ANO10: variants seen among roughly 807,000 people sequenced by gnomAD.
ANO10 encodes the protein anoctamin 10.
In ANO10, 77 loss-of-function variants were observed where a neutral mutation model predicts 74.7. The ratio of observed to expected loss-of-function variants is 1.03; its 90% CI spans 0.86 to 1.25. The LOEUF (loss-of-function observed/expected upper bound fraction) is 1.25, where lower values mean the gene tolerates loss of function less well. Among genes scored for constraint, ANO10 ranks in the 50% most tolerant of loss-of-function variants. The probability of loss-of-function intolerance (pLI) is 0.00; values close to 1 mark genes in which losing one functional copy is unlikely to be tolerated. For synonymous variants in ANO10, 279 were observed against 284.9 expected, an observed-to-expected ratio of 0.98 and a Z score of 0.21; for missense variants, 721 against 778.1, an observed-to-expected ratio of 0.93 and a Z score of 0.87.
At chr3:43,438,184 A>G (rs749768132) in intron 11 of ANO10, among the ~76,000 whole-genome samples, 7 of 152,238 alleles carry the variant, frequency 4.6e-5, no homozygotes, top group African/African-American at 7.2e-5. Context: ...TTGTAATCTC[A>G]GCACTTTGGG....
intron 11 of ANO10, among the ~76,000 whole-genome samples, chr3:43,493,843 C>T (rs1331676922): frequency 3.3e-5 from 5 of 152,130 alleles, no homozygotes; most frequent in Non-Finnish European, 5.9e-5. Flanking sequence ...TCAGGTGATC[C>T]TCCTGCCTCA....
At chr3:43,539,745 A>T (rs2078873502) in intron 11 of ANO10, among the ~76,000 whole-genome samples, 2 of 152,256 alleles carry the variant, frequency 1.3e-5, no homozygotes, top group African/African-American at 4.8e-5. Context: ...AAACAAAATA[A>T]TGATGCCAGA....
At chr3:43,594,660 G>T (rs1282485944) in intron 4 of ANO10, among the ~76,000 whole-genome samples, 1 of 152,040 alleles carries the variant, frequency 6.6e-6, no homozygotes, top group South Asian at 2.1e-4. Context: ...GAGAAAGCAG[G>T]AAAAGATCTA....
chr3:43,661,888 GCA>G (rs1291669279), intron 1 of ANO10, among the ~76,000 whole-genome samples: 16 of 152,150 alleles, frequency 1.1e-4, no homozygotes, highest in African/African-American at 3.9e-4. Flanking sequence ...CAATACAGTT[GCA>G]CACAGATTCA....
intron 11 of ANO10, among the ~76,000 whole-genome samples, chr3:43,479,712 C>T (rs952098192): frequency 2.6e-5 from 4 of 152,200 alleles, no homozygotes; most frequent in African/African-American, 7.2e-5. Flanking sequence ...TACGTCTGCT[C>T]TCCCCTCCTT....
chr3:43,669,288 T>C (rs148090576), intron 1 of ANO10, among the ~76,000 whole-genome samples: 44 of 152,312 alleles, frequency 2.9e-4, no homozygotes, highest in African/African-American at 9.9e-4. Flanking sequence ...AATGGTTCCT[T>C]TTCCCTGCTG....
chr3:43,375,446 C>G (rs1241401295), intron 12 of ANO10, among the ~76,000 whole-genome samples: 4 of 151,898 alleles, frequency 2.6e-5, no homozygotes, highest in Admixed American at 6.6e-5. Context: ...GAAACTCTGT[C>G]TCAGAAAAAG....
intron 11 of ANO10, among the ~76,000 whole-genome samples, chr3:43,517,905 T>C (rs2077779049): frequency 6.6e-6 from 1 of 152,190 alleles, no homozygotes. Flanking sequence ...TCTGTGCTTA[T>C]CTGATTGTGG....
chr3:43,606,153 G>A (rs1445495193), intron 1 of ANO10, among the ~76,000 whole-genome samples: 3 of 152,094 alleles, frequency 2.0e-5, no homozygotes, highest in Admixed American at 6.5e-5. Context: ...TCACACAAGC[G>A]GAATAAGAAA....
chr3:43,679,627 C>T (rs1056280823), intron 1 of ANO10, among the ~76,000 whole-genome samples: 3 of 152,202 alleles, frequency 2.0e-5, no homozygotes, highest in Non-Finnish European at 2.9e-5. Flanking sequence ...GATCTGAGAA[C>T]GGACAGACTG....
At chr3:43,420,562 CA>C (rs1382169337) in intron 12 of ANO10, among the ~76,000 whole-genome samples, 1 of 151,934 alleles carries the variant, frequency 6.6e-6, no homozygotes, top group African/African-American at 2.4e-5. Context: ...TTACAGTAAA[CA>C]AAAAATTTCC....
chr3:43,379,477 A>G (rs2091900275), intron 12 of ANO10, among the ~76,000 whole-genome samples: 1 of 152,242 alleles, frequency 6.6e-6, no homozygotes, highest in Non-Finnish European at 1.5e-5. Context: ...TGCTCCAAGA[A>G]CTACTGCAGG....
chr3:43,652,110 GGCC>G (rs142189526), intron 1 of ANO10, among the ~76,000 whole-genome samples: 2,786 of 147,956 alleles, frequency 0.019, 43 homozygotes, highest in South Asian at 0.079. Flanking sequence ...TCAGAATCTT[GGCC>G]GCCTTTTTTT....
intron 1 of ANO10, among the ~76,000 whole-genome samples, chr3:43,618,945 G>A (rs1272336391): frequency 6.6e-6 from 1 of 152,126 alleles, no homozygotes; most frequent in Non-Finnish European, 1.5e-5. Flanking sequence ...GGAACTACAG[G>A]CATCCGCCAC....
At chr3:43,521,003 G>T (rs1177207298) in intron 11 of ANO10, among the ~76,000 whole-genome samples, 1 of 151,982 alleles carries the variant, frequency 6.6e-6, no homozygotes, top group East Asian at 1.9e-4. Flanking sequence ...CATTGTTCTT[G>T]TCTCTTGTAA....
upstream of ANO10, among the ~76,000 whole-genome samples, chr3:43,622,389 C>T (rs907706262): frequency 2.0e-5 from 3 of 152,192 alleles, no homozygotes; most frequent in Non-Finnish European, 4.4e-5. Flanking sequence ...CGGCATGTGG[C>T]TGGGCTCTCC....
At chr3:43,367,304 C>A (rs1266371776) in intron 12 of ANO10, among the ~76,000 whole-genome samples, 1 of 152,224 alleles carries the variant, frequency 6.6e-6, no homozygotes, top group Non-Finnish European at 1.5e-5. Flanking sequence ...GGGGCACAGG[C>A]TTGGGACCAA....
chr3:43,589,468 T>C (rs746697578), intron 4 of ANO10, among the ~76,000 whole-genome samples: 2 of 151,958 alleles, frequency 1.3e-5, no homozygotes, highest in African/African-American at 2.4e-5. Context: ...GGGTGGATCA[T>C]CTGAGGTCAG....
chr3:43,485,600 T>G (rs2076448191), intron 11 of ANO10: 1 of 211,194 alleles, frequency 4.7e-6, no homozygotes, highest in Non-Finnish European at 9.6e-6. Context: ...GCCACCATCT[T>G]GGGAGCTCTG....
Sources: allele counts gnomAD v4.1 joint callset (sites outside exome capture counted in the v4.1 genomes callset), GRCh38; gene constraint gnomAD v4.1.1; transcripts MANE v1.5; gene names NCBI Gene and HGNC (gene_info 2026-07-23, HGNC 2026-07-21).